Variants in CNTN3 observed in about 807,000 individuals in gnomAD.
The protein encoded by CNTN3 is contactin 3.
Under a neutral mutation model 119.1 loss-of-function variants are expected in CNTN3, and 60 were observed. That is an observed-to-expected ratio of 0.50 (90% CI 0.41 to 0.62). CNTN3 has a LOEUF of 0.62. CNTN3 is among the 20% of genes least tolerant of loss of function. CNTN3 has a pLI of 0.00. For missense variants in CNTN3, 1,101 were observed against 1,242.4 expected, an observed-to-expected ratio of 0.89 and a Z score of 1.71; for synonymous variants, 450 against 438.7, an observed-to-expected ratio of 1.03 and a Z score of -0.32.
intron 1 of CNTN3, among the ~76,000 whole-genome samples, chr3:74,529,984 G>A (rs1353577403): frequency 6.6e-6 from 1 of 151,834 alleles, no homozygotes; most frequent in African/African-American, 2.4e-5. Flanking sequence ...TCAACACTGA[G>A]TTCTAACTGT....
chr3:74,527,642 T>C (rs1703638612), intron 1 of CNTN3, among the ~76,000 whole-genome samples: 1 of 151,938 alleles, frequency 6.6e-6, no homozygotes, highest in African/African-American at 2.4e-5. Context: ...CCGACATGCT[T>C]CAAAATGTTA....
intron 5 of CNTN3, among the ~76,000 whole-genome samples, chr3:74,406,657 T>A (rs1240939711): frequency 2.6e-5 from 4 of 152,148 alleles, no homozygotes; most frequent in African/African-American, 9.7e-5. Flanking sequence ...AAATTGCTTA[T>A]TTTTTTCTAT....
chr3:74,562,463 C>T (rs933440283), intron 1 of CNTN3, among the ~76,000 whole-genome samples: 2 of 152,114 alleles, frequency 1.3e-5, no homozygotes, highest in African/African-American at 4.8e-5. Context: ...GATGCTATGG[C>T]AACTGCATCC....
rs563196665 is a variant in CNTN3, at chr3:74,306,645, T to C, written c.1669-3838A>G. On this transcript the variant is annotated intron_variant, in intron 13 of 22. Transcript: ENST00000263665. ...TCCAGAAAGCACATCTTTTTTTCTA[T>C]GCTGCTGTCCACAATTTACTCAGGA... Among the ~76,000 whole-genome samples the C allele has an allele frequency of 3.3e-5, 5 of 152,256 alleles. No individual in the cohort carries two copies. In the East Asian group the frequency reaches 5.8e-4, roughly 18 times the overall value.
intron 6 of CNTN3, 104 bp from the exon 7 acceptor site, chr3:74,370,095 T>C: frequency 3.3e-6 from 2 of 606,328 alleles, no homozygotes; most frequent in Non-Finnish European, 5.7e-6. Flanking sequence ...AACCAGCTCT[T>C]CTAGTGATTT....
At chr3:74,605,157 G>T (rs1704970205) in intron 1 of CNTN3, among the ~76,000 whole-genome samples, 1 of 152,042 alleles carries the variant, frequency 6.6e-6, no homozygotes, top group Admixed American at 6.6e-5. Flanking sequence ...GAGGTTTAGG[G>T]AGATGTTGGT....
In CNTN3 at chr3:74,407,426, G is replaced by A. The variant is rs542243534; in HGVS notation, c.454+17419C>T. Among the ~76,000 whole-genome samples the A allele has an allele frequency of 1.8e-3, 250 of 136,032 alleles. 2 individuals are homozygous for A. The highest frequency in any genetic ancestry group is 5.0e-3 in the South Asian group (21 of 4,186). The allele number at this position is 136,032 out of a possible 152,430, so 89.2% of individuals were successfully genotyped here. ...TGGGATTACAGGCATGTGCCACCAC[G>A]CCTGGCTAATTTTTTTTTTTTTTTT... On this transcript the variant is annotated intron_variant, in intron 5 of 22. Transcript: ENST00000263665.
intron 8 of CNTN3, among the ~76,000 whole-genome samples, chr3:74,368,897 T>C (rs1219734744): frequency 2.6e-5 from 4 of 152,018 alleles, no homozygotes; most frequent in Non-Finnish European, 5.9e-5. Context: ...CTCTCTCTAA[T>C]GTGTTTAAGT....
chr3:74,331,005 T>TA (rs1703251725), intron 13 of CNTN3, among the ~76,000 whole-genome samples: 1 of 152,200 alleles, frequency 6.6e-6, no homozygotes, highest in Admixed American at 6.5e-5. Flanking sequence ...GTAAAAAAGT[T>TA]ATGGTAAGCT....
At chr3:74,414,506 G>A (rs796301779) in intron 5 of CNTN3, among the ~76,000 whole-genome samples, 1 of 152,112 alleles carries the variant, frequency 6.6e-6, no homozygotes, top group Non-Finnish European at 1.5e-5. Flanking sequence ...AAAACCATCT[G>A]AATCAAGACT....
intron 5 of CNTN3, among the ~76,000 whole-genome samples, chr3:74,392,309 T>C (rs1360078505): frequency 6.6e-6 from 1 of 152,196 alleles, no homozygotes; most frequent in Non-Finnish European, 1.5e-5. Flanking sequence ...TTGGTCTGCT[T>C]ACATATCCTC....
intron 4 of CNTN3, among the ~76,000 whole-genome samples, chr3:74,463,168 A>G (rs1702402945): frequency 6.6e-6 from 1 of 152,178 alleles, no homozygotes; most frequent in South Asian, 2.1e-4. Flanking sequence ...ACACTGAGCC[A>G]TTAAGCGTTT....
intron 4 of CNTN3, among the ~76,000 whole-genome samples, chr3:74,459,222 T>G (rs1209391011): frequency 6.6e-6 from 1 of 151,958 alleles, no homozygotes; most frequent in Non-Finnish European, 1.5e-5. Flanking sequence ...CTACATGTTT[T>G]TCAAGACCCA....
At chr3:74,576,161 T>C (rs1344846474) in intron 1 of CNTN3, among the ~76,000 whole-genome samples, 1 of 152,146 alleles carries the variant, frequency 6.6e-6, no homozygotes, top group Non-Finnish European at 1.5e-5. Flanking sequence ...CTCTCTTCCA[T>C]TTTCCTTCCT....
intron 20 of CNTN3, among the ~76,000 whole-genome samples, chr3:74,273,812 C>G (rs574548305): frequency 6.6e-6 from 1 of 152,252 alleles, no homozygotes; most frequent in South Asian, 2.1e-4. Context: ...GCTTCCTGGC[C>G]AGAACCTGGG....
chr3:74,290,901 T>G (rs1671590392), intron 19 of CNTN3, among the ~76,000 whole-genome samples: 1 of 151,856 alleles, frequency 6.6e-6, no homozygotes. Flanking sequence ...ACTTTTTTAC[T>G]TTTTTATTTT....
chr3:74,475,816 C>G (rs1431557552), intron 4 of CNTN3, among the ~76,000 whole-genome samples: 2 of 152,150 alleles, frequency 1.3e-5, no homozygotes, highest in East Asian at 1.9e-4. Flanking sequence ...TTCACAGGTA[C>G]GTGCAGAGTG....
chr3:74,350,459 T>G (rs1412119118), intron 11 of CNTN3, among the ~76,000 whole-genome samples: 1 of 152,146 alleles, frequency 6.6e-6, no homozygotes, highest in Non-Finnish European at 1.5e-5. Flanking sequence ...AGGGAACACA[T>G]ATACTGCTAG....
intron 19 of CNTN3, among the ~76,000 whole-genome samples, chr3:74,294,664 C>T (rs1702299676): frequency 6.6e-6 from 1 of 152,122 alleles, no homozygotes; most frequent in Non-Finnish European, 1.5e-5. Flanking sequence ...TCCTATTTCA[C>T]TAAACAGAGA....
Sources: gnomAD v4.1 joint callset for allele counts (sites outside exome capture counted in the v4.1 genomes callset) on GRCh38, gnomAD v4.1.1 for gene constraint, MANE v1.5 for transcripts, NCBI Gene and HGNC (gene_info 2026-07-23, HGNC 2026-07-21) for gene names.